The following PRKACB variants were observed in gnomAD, a reference collection of about 807,000 sequenced individuals.
PRKACB encodes protein kinase cAMP-activated catalytic subunit beta, also known as cAMP-dependent protein kinase catalytic subunit beta.
PRKACB carries 16 observed loss-of-function variants against 51.4 expected under a neutral mutation model. The ratio of observed to expected loss-of-function variants is 0.31; its 90% CI spans 0.21 to 0.47. The LOEUF is 0.47. Among genes scored for constraint, PRKACB ranks in the 20% least tolerant of loss-of-function variants. PRKACB has a pLI of 1.00. For synonymous variants in PRKACB, 147 were observed against 154.4 expected (o/e 0.95, Z 0.35); for missense variants, 309 against 464.5 (o/e 0.67, Z 3.08).
chr1:84,177,973 A>C (rs1013892986), intron 1 of PRKACB, among the ~76,000 whole-genome samples: 3 of 152,044 alleles, frequency 2.0e-5, no homozygotes. Context: ...AGGACAGTTT[A>C]TAGAAAGTAC....
chr1:84,183,688 A>G (rs984212860), intron 3 of PRKACB, among the ~76,000 whole-genome samples: 1 of 151,826 alleles, frequency 6.6e-6, no homozygotes, highest in East Asian at 1.9e-4. Context: ...GTAATTATAT[A>G]TTTATTTAAG....
intron 7 of PRKACB, among the ~76,000 whole-genome samples, chr1:84,201,876 T>C (rs1236244623): frequency 6.6e-6 from 1 of 152,116 alleles, no homozygotes; most frequent in Admixed American, 6.6e-5. Context: ...TATTCTTATT[T>C]ATTTTCTTAT....
intron 1 of PRKACB, among the ~76,000 whole-genome samples, chr1:84,116,827 C>T (rs1650676326): frequency 6.6e-6 from 1 of 152,046 alleles, no homozygotes; most frequent in South Asian, 2.1e-4. Flanking sequence ...TTGCCTGTTT[C>T]CTCTGGCTAG....
chr1:84,114,932 A>G (rs1325031021), intron 1 of PRKACB, among the ~76,000 whole-genome samples: 1 of 152,202 alleles, frequency 6.6e-6, no homozygotes. Context: ...TTATCCATTT[A>G]TAAACTGGTG....
intron 1 of PRKACB, among the ~76,000 whole-genome samples, chr1:84,174,367 T>C (rs760506621): frequency 2.6e-5 from 4 of 151,848 alleles, no homozygotes; most frequent in Non-Finnish European, 5.9e-5. Context: ...TGCCTTACCT[T>C]ACTGTCCAAG....
At chr1:84,115,593 T>A (rs566430662) in intron 1 of PRKACB, among the ~76,000 whole-genome samples, 1 of 151,916 alleles carries the variant, frequency 6.6e-6, no homozygotes, top group Non-Finnish European at 1.5e-5. Context: ...TTGTAAATTC[T>A]TTGCCTAGGC....
At chr1:84,178,594 A>AT (rs922854565) in intron 1 of PRKACB, among the ~76,000 whole-genome samples, 13 of 152,046 alleles carry the variant, frequency 8.6e-5, no homozygotes, top group Admixed American at 7.2e-4. Flanking sequence ...GTTAAACTGG[A>AT]TTTTTTGTTG....
chr1:84,169,628 A>T (rs1457931041), intron 1 of PRKACB, among the ~76,000 whole-genome samples: 1 of 151,704 alleles, frequency 6.6e-6, no homozygotes, highest in African/African-American at 2.4e-5. Context: ...AAATAAAAGG[A>T]CATTTTACAA....
At chr1:84,086,263 C>T in intron 1 of PRKACB, 2 of 1,383,520 alleles carry the variant, frequency 1.4e-6, no homozygotes, top group Non-Finnish European at 2.0e-6. Flanking sequence ...GTTCCCTTGC[C>T]CCCATGGGAC....
At chr1:84,094,810 T>G (rs1016391563) in intron 1 of PRKACB, among the ~76,000 whole-genome samples, 1 of 151,998 alleles carries the variant, frequency 6.6e-6, no homozygotes, top group African/African-American at 2.4e-5. Flanking sequence ...CTTATTTTAC[T>G]TCTGGTGTGA....
chr1:84,234,623 G>A (rs1464318987), intron 9 of PRKACB, among the ~76,000 whole-genome samples: 14 of 152,270 alleles, frequency 9.2e-5, no homozygotes, highest in African/African-American at 2.9e-4. Flanking sequence ...CTGGTGCGCC[G>A]TTTTTTAAGC....
At chr1:84,130,603 A>G (rs1049261806) in intron 1 of PRKACB, among the ~76,000 whole-genome samples, 3 of 152,176 alleles carry the variant, frequency 2.0e-5, no homozygotes, top group African/African-American at 7.2e-5. Context: ...AGAAATTTCT[A>G]AAAAAATTGA....
At chr1:84,155,346 T>G (rs903897650) in intron 1 of PRKACB, among the ~76,000 whole-genome samples, 1 of 152,072 alleles carries the variant, frequency 6.6e-6, no homozygotes, top group Non-Finnish European at 1.5e-5. Context: ...CTGGAAACTG[T>G]AAGGCATTTA....
At chr1:84,200,663 T>C (rs745510098) in intron 7 of PRKACB, among the ~76,000 whole-genome samples, 2 of 152,128 alleles carry the variant, frequency 1.3e-5, no homozygotes, top group Non-Finnish European at 2.9e-5. Flanking sequence ...TTTTTGTATA[T>C]GGTATAAGGA....
chr1:84,155,258 C>G (rs1057345912), intron 1 of PRKACB, among the ~76,000 whole-genome samples: 1 of 151,952 alleles, frequency 6.6e-6, no homozygotes, highest in Non-Finnish European at 1.5e-5. Flanking sequence ...AAAAAGAAAT[C>G]AAGAAAGCAC....
chr1:84,179,063 A>G (rs1433899647), intron 1 of PRKACB, 114 bp from the exon 2 acceptor site: 1 of 1,208,102 alleles, frequency 8.3e-7, no homozygotes, highest in African/African-American at 1.5e-5. Flanking sequence ...ACATTTTATC[A>G]CAATAGATGA....
chr1:84,180,435 G>A (rs915789179), intron 2 of PRKACB, among the ~76,000 whole-genome samples: 4 of 150,936 alleles, frequency 2.7e-5, no homozygotes, highest in Non-Finnish European at 5.9e-5. Flanking sequence ...ATGGGAGGGA[G>A]GCAAGGGATA....
At chr1:84,165,605 G>A (rs1657172650) in intron 1 of PRKACB, among the ~76,000 whole-genome samples, 1 of 151,588 alleles carries the variant, frequency 6.6e-6, no homozygotes, top group East Asian at 1.9e-4. Flanking sequence ...TAATTTTTTA[G>A]AATAAGTACA....
chr1:84,225,037 G>T (rs1272648564), intron 9 of PRKACB, among the ~76,000 whole-genome samples: 2 of 152,128 alleles, frequency 1.3e-5, no homozygotes, highest in African/African-American at 2.4e-5. Context: ...GACAGAGGGG[G>T]GCACTCCCCA....
Sources: allele counts gnomAD v4.1 joint callset (sites outside exome capture counted in the v4.1 genomes callset), GRCh38; gene constraint gnomAD v4.1.1; transcripts MANE v1.5; gene names NCBI Gene and HGNC (gene_info 2026-07-23, HGNC 2026-07-21).